NRXN3: variants seen among roughly 807,000 people sequenced by gnomAD.
NRXN3 encodes neurexin III.
Under a neutral mutation model 137.6 loss-of-function variants are expected in NRXN3, and 32 were observed. That is an observed-to-expected ratio of 0.23 (90% CI 0.18 to 0.31). The LOEUF (loss-of-function observed/expected upper bound fraction) is 0.31. Ranked by LOEUF, NRXN3 falls within the 10% of genes least tolerant of loss-of-function variation. The probability of loss-of-function intolerance (pLI) is 1.00; values close to 1 mark genes in which losing one functional copy is unlikely to be tolerated. For synonymous variants in NRXN3, 798 were observed against 784.5 expected, an observed-to-expected ratio of 1.02 and a Z score of -0.29; for missense variants, 1,574 against 2,062.5, an observed-to-expected ratio of 0.76 and a Z score of 4.59.
At chr14:78,671,672 AT>A (rs1327278683) in intron 6 of NRXN3, among the ~76,000 whole-genome samples, 1 of 152,214 alleles carries the variant, frequency 6.6e-6, no homozygotes, top group African/African-American at 2.4e-5. Flanking sequence ...TTTTCCTATA[AT>A]TTGTGTTTTG....
chr14:78,427,564 G>T (rs941072905), intron 4 of NRXN3, among the ~76,000 whole-genome samples: 6 of 152,206 alleles, frequency 3.9e-5, no homozygotes, highest in African/African-American at 1.4e-4. Context: ...GCCTTCCGAA[G>T]GAGGAGAAAA....
intron 19 of NRXN3, among the ~76,000 whole-genome samples, chr14:79,723,102 T>C (rs2098851900): frequency 6.6e-6 from 1 of 152,124 alleles, no homozygotes; most frequent in African/African-American, 2.4e-5. Context: ...CTAGGAAACC[T>C]AGGATATAAG....
chr14:78,571,257 AT>A (rs2096886744), intron 4 of NRXN3, among the ~76,000 whole-genome samples: 1 of 152,204 alleles, frequency 6.6e-6, no homozygotes, highest in Non-Finnish European at 1.5e-5. Context: ...GGATTGGAGG[AT>A]GAGTGACTCA....
chr14:78,646,791 C>A (rs898275933), intron 5 of NRXN3, among the ~76,000 whole-genome samples: 2 of 152,188 alleles, frequency 1.3e-5, no homozygotes, highest in African/African-American at 4.8e-5. Context: ...GGCCAAAGAA[C>A]CCTATTGCTA....
intron 15 of NRXN3, among the ~76,000 whole-genome samples, chr14:79,284,679 AGTG>A (rs1413429036): frequency 6.6e-6 from 1 of 152,106 alleles, no homozygotes; most frequent in Middle Eastern, 3.2e-3. Flanking sequence ...TCTTAGCAGA[AGTG>A]GTGGTGATGG....
intron 5 of NRXN3, chr14:78,649,298 A>G (rs758667036): frequency 2.2e-6 from 3 of 1,343,114 alleles, no homozygotes; most frequent in Non-Finnish European, 3.0e-6. Context: ...TATGGTAAAC[A>G]AACTACATTG....
chr14:78,450,838 G>A (rs1203472481), intron 4 of NRXN3, among the ~76,000 whole-genome samples: 1 of 152,200 alleles, frequency 6.6e-6, no homozygotes, highest in Non-Finnish European at 1.5e-5. Context: ...AGACCTTGCT[G>A]TAAATAACTT....
At chr14:78,550,878 A>G (rs2096681765) in intron 4 of NRXN3, among the ~76,000 whole-genome samples, 1 of 152,200 alleles carries the variant, frequency 6.6e-6, no homozygotes, top group African/African-American at 2.4e-5. Flanking sequence ...ATGAGATAAG[A>G]AATATAAAGC....
chr14:79,282,034 A>G (rs2081356284), intron 15 of NRXN3: 1 of 139,706 alleles, frequency 7.2e-6, no homozygotes, highest in African/African-American at 3.1e-5. Flanking sequence ...GGATGGTGAA[A>G]AGAAGGGATT....
chr14:78,499,809 T>C (rs2095850644), intron 4 of NRXN3, among the ~76,000 whole-genome samples: 1 of 152,162 alleles, frequency 6.6e-6, no homozygotes, highest in Admixed American at 6.5e-5. Flanking sequence ...GAGGCTGCCC[T>C]CAGTTTCTTG....
At chr14:79,075,078 TG>T (rs1476584905) in intron 15 of NRXN3, among the ~76,000 whole-genome samples, 3 of 152,216 alleles carry the variant, frequency 2.0e-5, no homozygotes, top group Non-Finnish European at 4.4e-5. Context: ...AGCACTATTT[TG>T]TGATAGAAAA....
chr14:79,043,072 A>C (rs769918645), intron 15 of NRXN3, among the ~76,000 whole-genome samples: 1 of 152,232 alleles, frequency 6.6e-6, no homozygotes, highest in Non-Finnish European at 1.5e-5. Flanking sequence ...ATTTGTTAGA[A>C]TAATCCTGTG....
chr14:79,010,222 G>C (rs555650742), intron 15 of NRXN3, among the ~76,000 whole-genome samples: 1 of 152,280 alleles, frequency 6.6e-6, no homozygotes, highest in African/African-American at 2.4e-5. Flanking sequence ...TCCAATTAGA[G>C]AAAATGAAAT....
intron 15 of NRXN3, among the ~76,000 whole-genome samples, chr14:78,996,095 AT>A (rs931287483): frequency 1.3e-5 from 2 of 152,066 alleles, no homozygotes; most frequent in Non-Finnish European, 2.9e-5. Context: ...AAGACACATG[AT>A]TTTTTTCCCC....
At chr14:79,553,494 A>G (rs552717336) in intron 16 of NRXN3, among the ~76,000 whole-genome samples, 10 of 152,244 alleles carry the variant, frequency 6.6e-5, no homozygotes, top group African/African-American at 2.4e-4. Context: ...AGTGCACCCC[A>G]TCTCATCCCA....
intron 16 of NRXN3, among the ~76,000 whole-genome samples, chr14:79,493,041 T>C (rs755160558): frequency 6.6e-6 from 1 of 152,232 alleles, no homozygotes; most frequent in South Asian, 2.1e-4. Flanking sequence ...CCCAATGTGA[T>C]ATTGAACTGG....
At chr14:78,370,277 C>G (rs1009033245) in intron 4 of NRXN3, among the ~76,000 whole-genome samples, 1 of 151,408 alleles carries the variant, frequency 6.6e-6, no homozygotes, top group Non-Finnish European at 1.5e-5. Flanking sequence ...TGCCCATGCA[C>G]CAGCCACACA....
chr14:78,652,644 A>C (rs990611932), intron 6 of NRXN3, among the ~76,000 whole-genome samples: 30 of 152,234 alleles, frequency 2.0e-4, no homozygotes, highest in African/African-American at 7.2e-4. Flanking sequence ...TTTGTTGAAC[A>C]TCATTTGTAT....
chr14:78,733,710 AG>A (rs2098527756), intron 8 of NRXN3, among the ~76,000 whole-genome samples: 1 of 152,228 alleles, frequency 6.6e-6, no homozygotes, highest in South Asian at 2.1e-4. Flanking sequence ...TTATTTGGGA[AG>A]ATTTTGTAGT....
Sources: gnomAD v4.1 joint callset for allele counts (sites outside exome capture counted in the v4.1 genomes callset) on GRCh38, gnomAD v4.1.1 for gene constraint, MANE v1.5 for transcripts, NCBI Gene and HGNC (gene_info 2026-07-23, HGNC 2026-07-21) for gene names.